Variants in PIEZO2 observed in about 807,000 individuals in gnomAD.
The protein encoded by PIEZO2 is piezo type mechanosensitive ion channel component 2.
A neutral mutation model predicts 337.3 loss-of-function variants in PIEZO2; 172 were observed. The observed-to-expected ratio is 0.51, with a 90% CI of 0.45 to 0.58. PIEZO2 has a LOEUF of 0.58. PIEZO2 is among the 20% of genes least tolerant of loss of function. The pLI is 0.00. For missense variants in PIEZO2, 3,028 were observed against 3,391.3 expected, an observed-to-expected ratio of 0.89 and a Z score of 2.66; for synonymous variants, 1,251 against 1,228.5, an observed-to-expected ratio of 1.02 and a Z score of -0.38.
In PIEZO2 at chr18:10,940,370, T is replaced by C. The variant is rs554889831; in HGVS notation, c.287-29142A>G. On this transcript the variant is annotated intron_variant, in intron 3 of 55. Transcript: ENST00000674853. The surrounding 1 kb of genome is among the most constrained non-coding windows in gnomAD (Gnocchi z 5.3). ...CTGTAAAAGTACTGGGTCTAGATAC[T>C]GATTTCACAGGATCAGTGCTACATG... 3.3e-5 allele frequency among the ~76,000 whole-genome samples: 5 copies of C among 152,328 alleles called. No individual in the cohort carries two copies. The highest frequency in any genetic ancestry group is 9.6e-5 in the African/African-American group (4 of 41,576).
intron 1 of PIEZO2, among the ~76,000 whole-genome samples, chr18:11,074,299 T>C (rs1246372325): frequency 2.0e-5 from 3 of 152,220 alleles, no homozygotes; most frequent in Non-Finnish European, 2.9e-5. Context: ...CAGGGAGCTG[T>C]ACCTTCATCC....
At chr18:10,680,735 G>C (rs147284964) in intron 51 of PIEZO2, among the ~76,000 whole-genome samples, 2 of 152,222 alleles carry the variant, frequency 1.3e-5, no homozygotes, top group South Asian at 4.1e-4. Context: ...AAAACAATCT[G>C]CTCAGGACAT....
intron 36 of PIEZO2, among the ~76,000 whole-genome samples, chr18:10,730,484 T>G (rs1195822585): frequency 1.3e-5 from 2 of 152,232 alleles, no homozygotes; most frequent in Non-Finnish European, 2.9e-5. Context: ...ATACTCATCT[T>G]TAGTCTGATA....
At position 10,815,801 on chromosome 18, in the gene PIEZO2, T is replaced by G. The variant is rs1260581254; in HGVS notation, c.918-8527A>C. Among the ~76,000 whole-genome samples, 1 of 152,186 alleles carries G rather than the reference T, an allele frequency of 6.6e-6. No individual in the cohort carries two copies. The highest frequency in any genetic ancestry group is 1.5e-5 in the Non-Finnish European group (1 of 68,028). ...TTTCTTCTCACACATAGAATATACTTTCTACCTCTCCAAGAAAAACAGTTC... is the reference window on the plus strand; with the variant it reads ...TTTCTTCTCACACATAGAATATACTGTCTACCTCTCCAAGAAAAACAGTTC... On this transcript the variant is annotated intron_variant, in intron 7 of 55. Coordinates refer to ENST00000674853, the MANE Select transcript of PIEZO2 (RefSeq NM_001378183.1). The surrounding 1 kb of genome is among the most constrained non-coding windows in gnomAD (Gnocchi z 4.1).
In PIEZO2 at chr18:10,880,900, T is replaced by A. The variant is rs867517991; in HGVS notation, c.330-9485A>T. ...ATATATATATATATATATATATATA[T>A]AATTTTGATATGAGAGAGAGACTAT... On this transcript the variant is annotated intron_variant, in intron 4 of 55. Coordinates refer to ENST00000674853, the MANE Select transcript of PIEZO2 (RefSeq NM_001378183.1). Among the ~76,000 whole-genome samples, 21 of 91,310 alleles carry A rather than the reference T, an allele frequency of 2.3e-4. 1 individual carries two copies. The highest frequency in any genetic ancestry group is 3.7e-4 in the South Asian group (1 of 2,680). The allele number at this position is 91,310 out of a possible 152,430, so 59.9% of individuals were successfully genotyped here.
chr18:10,843,353 A>C (rs1380201837), intron 7 of PIEZO2, among the ~76,000 whole-genome samples: 1 of 151,972 alleles, frequency 6.6e-6, no homozygotes, highest in Non-Finnish European at 1.5e-5. Context: ...ATAGCTAAGT[A>C]ATTGTTTTAT....
chr18:11,092,012 T>C lies in PIEZO2; in HGVS notation c.65-25790A>G, dbSNP rs541209797. ...CACGCTATTAGTGAATCATAGCCAG[T>C]ATCCCAATAAAAGACTCTTTGGAGG... On this transcript the variant is annotated intron_variant, in intron 1 of 55. Transcript: ENST00000674853. This position sits in a 1 kb window ranked among gnomAD's most constrained non-coding sequence, Gnocchi z 4.5. 3.9e-5 allele frequency among the ~76,000 whole-genome samples: 6 copies of C among 152,224 alleles called. No homozygotes were observed. Among genetic ancestry groups the C allele is most frequent in the Non-Finnish European group, 7.3e-5 (5 of 68,038 alleles).
At position 10,750,059 on chromosome 18, in the gene PIEZO2, T is replaced by C. The variant is rs1455064060; in HGVS notation, c.4264+32A>G. On this transcript the variant is annotated intron_variant, in intron 29 of 55. Transcript: ENST00000674853. This position sits in a 1 kb window ranked among gnomAD's most constrained non-coding sequence, Gnocchi z 4.1. ...ATACAACTATCCTCCCTCTTCTGCCTTTCTGCCTTCACACTTGCTTTTCAT... is the reference window on the plus strand; with the variant it reads ...ATACAACTATCCTCCCTCTTCTGCCCTTCTGCCTTCACACTTGCTTTTCAT... The C allele has an allele frequency of 6.8e-7, 1 of 1,463,664 alleles. No individual in the cohort carries two copies. Among genetic ancestry groups the C allele is most frequent in the Admixed American group, 2.0e-5 (1 of 50,908 alleles). The allele number at this position is 1,463,664 out of a possible 1,614,324, so 90.7% of individuals were successfully genotyped here.
At chr18:11,076,716 A>G (rs1465543689) in intron 1 of PIEZO2, among the ~76,000 whole-genome samples, 1 of 152,228 alleles carries the variant, frequency 6.6e-6, no homozygotes, top group Non-Finnish European at 1.5e-5. Context: ...GTAACAGTAC[A>G]TATATAATTT....
At position 10,988,860 on chromosome 18, in the gene PIEZO2, T is replaced by C. The variant is rs942117603; in HGVS notation, c.161-9200A>G. Among the ~76,000 whole-genome samples the C allele has an allele frequency of 6.6e-6, 1 of 152,096 alleles. No individual in the cohort carries two copies. The highest frequency in any genetic ancestry group is 2.4e-5 in the African/African-American group (1 of 41,430). On this transcript the variant is annotated intron_variant, in intron 2 of 55. Coordinates refer to ENST00000674853, the MANE Select transcript of PIEZO2 (RefSeq NM_001378183.1). The surrounding 1 kb of genome is among the most constrained non-coding windows in gnomAD (Gnocchi z 4.8). ...AACAAATACTACATGATCTCATGTA[T>C]ATGTGGAATCTAAAATAGCCTAACT...
chr18:11,015,617 G>A (rs928718968), intron 2 of PIEZO2, among the ~76,000 whole-genome samples: 2 of 152,090 alleles, frequency 1.3e-5, no homozygotes, highest in Non-Finnish European at 2.9e-5. Context: ...CCAAGGTAAG[G>A]TCAAATCTAA....
intron 37 of PIEZO2, 23 bp from the exon 38 acceptor site, chr18:10,715,839 G>T: frequency 2.0e-6 from 3 of 1,480,086 alleles, no homozygotes; most frequent in Non-Finnish European, 2.7e-6. Flanking sequence ...AAGGCAACAA[G>T]ATGTTAAAGG....
intron 21 of PIEZO2, among the ~76,000 whole-genome samples, chr18:10,768,215 T>C (rs1188453525): frequency 1.3e-5 from 2 of 152,208 alleles, no homozygotes; most frequent in Non-Finnish European, 2.9e-5. Flanking sequence ...CAATTTTAAC[T>C]ACTGAAGTGA....
At chr18:10,739,915 G>A (rs562368098) in intron 33 of PIEZO2, 1 of 152,292 alleles carries the variant, frequency 6.6e-6, no homozygotes, top group South Asian at 2.1e-4. Flanking sequence ...AGAGGCCAAC[G>A]TCAGATCTAT....
intron 23 of PIEZO2, 30 bp from the exon 24 acceptor site, chr18:10,761,141 G>A (rs747940040): frequency 1.3e-6 from 2 of 1,514,712 alleles, no homozygotes; most frequent in South Asian, 2.4e-5. Flanking sequence ...AAATGTGTCA[G>A]CCAGAGGCTT....
intron 20 of PIEZO2, among the ~76,000 whole-genome samples, chr18:10,771,527 C>T (rs910270607): frequency 2.6e-5 from 4 of 152,156 alleles, no homozygotes; most frequent in Admixed American, 2.6e-4. Flanking sequence ...ATTACAAGTC[C>T]TAAGTATCTC....
chr18:11,043,916 C>G (rs2037209937), intron 2 of PIEZO2, among the ~76,000 whole-genome samples: 1 of 152,094 alleles, frequency 6.6e-6, no homozygotes, highest in South Asian at 2.1e-4. Flanking sequence ...TCAGGTGATC[C>G]ACCTGCCTTG....
chr18:10,951,502 G>A (rs559820395), intron 3 of PIEZO2, among the ~76,000 whole-genome samples: 1 of 152,148 alleles, frequency 6.6e-6, no homozygotes, highest in African/African-American at 2.4e-5. Context: ...AATTCACACC[G>A]TTGCCAGATA....
chr18:10,896,058 C>A, intron 4 of PIEZO2, among the ~76,000 whole-genome samples: 1 of 78,488 alleles, frequency 1.3e-5, no homozygotes, highest in Non-Finnish European at 2.6e-5. Flanking sequence ...GAAATTTCAT[C>A]TCAAAAAAAA....
Sources: allele counts gnomAD v4.1 joint callset (sites outside exome capture counted in the v4.1 genomes callset), GRCh38; gene constraint gnomAD v4.1.1; non-coding constraint Gnocchi (gnomAD v3.1); transcripts MANE v1.5; gene names NCBI Gene and HGNC (gene_info 2026-07-23, HGNC 2026-07-21).